The following UST variants were observed in gnomAD, a reference collection of about 807,000 sequenced individuals.
The protein encoded by UST is uronyl 2-sulfotransferase, also known as chondroitin sulfate 2-O-sulfotransferase.
A neutral mutation model predicts 45.6 loss-of-function variants in UST; 21 were observed. That is an observed-to-expected ratio of 0.46 (90% CI 0.33 to 0.66). The LOEUF (loss-of-function observed/expected upper bound fraction) is 0.66. Ranked by LOEUF, UST falls within the 30% of genes least tolerant of loss-of-function variation. UST has a pLI of 0.02. For synonymous variants in UST, 215 were observed against 200.6 expected, an observed-to-expected ratio of 1.07 and a Z score of -0.61; for missense variants, 463 against 512.4, an observed-to-expected ratio of 0.90 and a Z score of 0.93.
At chr6:148,782,408 T>G (rs947751845) in intron 1 of UST, among the ~76,000 whole-genome samples, 4 of 151,936 alleles carry the variant, frequency 2.6e-5, no homozygotes, top group Non-Finnish European at 5.9e-5. Flanking sequence ...ACTAAATTGC[T>G]GCTATCTCAT....
intron 1 of UST, among the ~76,000 whole-genome samples, chr6:148,830,016 G>A (rs1284373482): frequency 6.6e-6 from 1 of 152,176 alleles, no homozygotes; most frequent in African/African-American, 2.4e-5. Flanking sequence ...GATGATGAAT[G>A]CCACATAAAG....
chr6:148,846,486 T>C (rs1287067587), intron 1 of UST, among the ~76,000 whole-genome samples: 1 of 151,906 alleles, frequency 6.6e-6, no homozygotes, highest in East Asian at 1.9e-4. Context: ...TTAGGAGATA[T>C]ACCTAATGCT....
rs942932629 is a variant in UST, at chr6:148,952,840, G to A, written c.448-1032G>A. On this transcript the variant is annotated intron_variant, in intron 3 of 7. Transcript: ENST00000367463. The stretch of plus-strand genomic sequence containing the variant: ...TTTTAAAAAATTCCACAGTGTGTTC[G>A]TTTTGATGGGGCCAACCAGAAAAAC... Among the ~76,000 whole-genome samples the A allele has an allele frequency of 5.3e-5, 8 of 152,160 alleles. No individual in the cohort carries two copies. The East Asian group carries it at 7.7e-4, about 15-fold the overall frequency.
At chr6:148,887,916 C>A (rs1328234146) in intron 2 of UST, among the ~76,000 whole-genome samples, 1 of 152,168 alleles carries the variant, frequency 6.6e-6, no homozygotes, top group African/African-American at 2.4e-5. Context: ...AGTCTTTGAC[C>A]ACTTAAGGTG....
chr6:148,901,721 C>T (rs1582887130), intron 2 of UST, among the ~76,000 whole-genome samples: 1 of 152,202 alleles, frequency 6.6e-6, no homozygotes, highest in East Asian at 1.9e-4. Flanking sequence ...CCACGCCCAG[C>T]TAATTTTTGT....
chr6:148,848,361 CTTA>C (rs1282117723), intron 1 of UST, among the ~76,000 whole-genome samples: 1 of 152,070 alleles, frequency 6.6e-6, no homozygotes, highest in African/African-American at 2.4e-5. Flanking sequence ...AGCACAAAGG[CTTA>C]TTTTCAGTTA....
chr6:148,750,478 A>T (rs1582786461), intron 1 of UST, among the ~76,000 whole-genome samples: 1 of 152,282 alleles, frequency 6.6e-6, no homozygotes, highest in Non-Finnish European at 1.5e-5. Context: ...CATTTTCTGT[A>T]TGGAAAAAAT....
At chr6:149,043,078 T>C (rs1776348699) in intron 7 of UST, among the ~76,000 whole-genome samples, 1 of 151,072 alleles carries the variant, frequency 6.6e-6, no homozygotes, top group African/African-American at 2.4e-5. Flanking sequence ...TCTTTCTTTC[T>C]TTCTTTTTCT....
intron 5 of UST, among the ~76,000 whole-genome samples, chr6:148,998,575 T>C (rs985367889): frequency 6.6e-6 from 1 of 152,194 alleles, no homozygotes; most frequent in African/African-American, 2.4e-5. Context: ...GCACTGGCAG[T>C]GCATTCATAT....
intron 7 of UST, among the ~76,000 whole-genome samples, chr6:149,058,385 GTGTA>G (rs1342094473): frequency 2.9e-4 from 42 of 143,072 alleles, no homozygotes; most frequent in African/African-American, 8.6e-4. Flanking sequence ...GTGTGTGTGT[GTGTA>G]TGTGCGCGCG....
intron 7 of UST, among the ~76,000 whole-genome samples, chr6:149,035,560 G>T (rs1776228990): frequency 6.6e-6 from 1 of 151,970 alleles, no homozygotes; most frequent in African/African-American, 2.4e-5. Context: ...TTCAAGACCA[G>T]CCTGGACAAC....
At position 149,028,488 on chromosome 6, in the gene UST, G is replaced by A. The variant is rs1183561064; in HGVS notation, c.937+7007G>A. Among the ~76,000 whole-genome samples the A allele has an allele frequency of 4.6e-5, 7 of 152,282 alleles. No individual in the cohort carries two copies. In the East Asian group the frequency reaches 1.3e-3, roughly 29 times the overall value. On this transcript the variant is annotated intron_variant, in intron 7 of 7. Transcript: ENST00000367463. ...AGGTGAAAGAAAGAGGAAAAAATTG[G>A]AAGGAACAAATGAAGGAAATGATTA... is the stretch of plus-strand genomic sequence containing the variant.
chr6:149,015,635 A>G (rs1343101972), intron 5 of UST, among the ~76,000 whole-genome samples: 1 of 152,016 alleles, frequency 6.6e-6, no homozygotes, highest in Admixed American at 6.5e-5. Flanking sequence ...TTTCTTTTTT[A>G]AAAAAGCAAT....
At chr6:148,836,214 C>T (rs1032205166) in intron 1 of UST, among the ~76,000 whole-genome samples, 2 of 152,186 alleles carry the variant, frequency 1.3e-5, no homozygotes, top group African/African-American at 4.8e-5. Context: ...ATGTTCTCGC[C>T]AAAAGCCAAT....
At chr6:148,899,378 C>A (rs1013499111) in intron 2 of UST, among the ~76,000 whole-genome samples, 1 of 152,200 alleles carries the variant, frequency 6.6e-6, no homozygotes, top group African/African-American at 2.4e-5. Context: ...GGATTACAGG[C>A]GTGAGCCACC....
chr6:149,039,489 G>A (rs1037870921), intron 7 of UST, among the ~76,000 whole-genome samples: 1 of 152,102 alleles, frequency 6.6e-6, no homozygotes, highest in African/African-American at 2.4e-5. Flanking sequence ...GCCTCCCAAA[G>A]TGCTGGGATT....
At chr6:148,953,791 A>AT in intron 3 of UST, 81 bp from the exon 4 acceptor site, 5 of 717,270 alleles carry the variant, frequency 7.0e-6, no homozygotes, top group Non-Finnish European at 8.3e-6. Flanking sequence ...AAAAAAAAAA[A>AT]GAGTGGGATA....
intron 5 of UST, among the ~76,000 whole-genome samples, chr6:149,006,361 T>C (rs1443173984): frequency 6.6e-6 from 1 of 152,154 alleles, no homozygotes; most frequent in Non-Finnish European, 1.5e-5. Context: ...CCTGTGTTAA[T>C]TTGTTAGTTT....
chr6:148,814,743 A>T (rs544191447), intron 1 of UST, among the ~76,000 whole-genome samples: 1 of 152,258 alleles, frequency 6.6e-6, no homozygotes, highest in East Asian at 1.9e-4. Context: ...TCACAAGGAA[A>T]CTTTCCAGGA....
Sources: gnomAD v4.1 joint callset for allele counts (sites outside exome capture counted in the v4.1 genomes callset) on GRCh38, gnomAD v4.1.1 for gene constraint, MANE v1.5 for transcripts, NCBI Gene and HGNC (gene_info 2026-07-23, HGNC 2026-07-21) for gene names.